The following C1R variants were observed in gnomAD, a reference collection of about 807,000 sequenced individuals.
The protein encoded by C1R is complement C1r subcomponent.
A neutral mutation model predicts 27.6 loss-of-function variants in C1R; 15 were observed. That is an observed-to-expected ratio of 0.54 (90% CI 0.36 to 0.84). C1R has a LOEUF of 0.84. Among genes scored for constraint, C1R ranks in the 40% least tolerant of loss-of-function variants. The probability of loss-of-function intolerance (pLI) is 0.01; values close to 1 mark genes in which losing one functional copy is unlikely to be tolerated. For synonymous variants in C1R, 253 were observed against 228.8 expected, an observed-to-expected ratio of 1.11 and a Z score of -0.95; for missense variants, 544 against 577.9, an observed-to-expected ratio of 0.94 and a Z score of 0.60.
intron 9 of C1R, 78 bp from the exon 10 acceptor site, chr12:7,082,184 A>G: frequency 1.2e-6 from 1 of 806,060 alleles, no homozygotes; most frequent in Non-Finnish European, 2.1e-6. Flanking sequence ...GCAAGTACTG[A>G]GTGTGCTTGA....
Position 7,080,770 on chromosome 12 carries a change from T to C in C1R, c.1880A>G (p.Lys627Arg), listed in dbSNP as rs1938042467. ...PQACENWLRG[K>R]NRMDVFSQNM... ...TTGAGAGAACACATCCATCCTATTC[T>C]TTCCCCGGAGCCAGTTCTCACAGGC... The change falls in exon 11 of 11, where the codon AAG (lysine) becomes AGG (arginine). Residue 627 changes from lysine to arginine, a missense_variant. Lys to Arg is a conservative substitution (Grantham distance 26). Transcript: ENST00000647956. This position sits in a 1 kb window ranked among gnomAD's most constrained non-coding sequence, Gnocchi z 4.9. 1.9e-6 allele frequency: 3 copies of C among 1,614,036 alleles called. No individual in the cohort carries two copies. Among genetic ancestry groups the C allele is most frequent in the Non-Finnish European group, 1.7e-6 (2 of 1,179,900 alleles).
chr12:7,082,825 T>G (rs1938088305), intron 9 of C1R, among the ~76,000 whole-genome samples: 1 of 152,320 alleles, frequency 6.6e-6, no homozygotes, highest in East Asian at 1.9e-4. Context: ...CTGCACGATC[T>G]CATTTAAACA....
In C1R at chr12:7,081,064, A is replaced by G. The variant is rs1201640926; in HGVS notation, c.1586T>C (p.Leu529Pro). 6.2e-7 allele frequency: 1 copy of G among 1,613,892 alleles called. No individual in the cohort carries two copies. Among genetic ancestry groups the G allele is most frequent in the Non-Finnish European group, 8.5e-7 (1 of 1,179,860 alleles). Reference protein sequence around the residue: ...VFLGHTNVEELMKLGNHPIRR... With the variant: ...VFLGHTNVEEPMKLGNHPIRR... ...GATGGGGTGATTTCCTAGCTTCATG[A>G]GCTCTTCCACATTTGTGTGGCCCAG... Residue 529 changes from leucine to proline, a missense_variant, in exon 11 of 11, where the codon CTC becomes CCC. Physicochemically the swap from Leu to Pro is moderately conservative, Grantham distance 98 (BLOSUM62 -3). Coordinates refer to ENST00000647956, the MANE Select transcript of C1R (RefSeq NM_001733.7).
At chr12:7,092,299 G>A in intron 1 of C1R, 88 bp downstream of exon 1, 2 of 777,460 alleles carry the variant, frequency 2.6e-6, no homozygotes, top group Admixed American at 3.4e-5. Context: ...AGAGAGAAGG[G>A]TGTTCCTGTC....
In C1R at chr12:7,091,647, G is replaced by C. The variant is rs776062471; in HGVS notation, c.36C>G (p.Phe12Leu). 1.7e-5 allele frequency: 13 copies of C among 751,916 alleles called. No individual in the cohort carries two copies. In the East Asian group the frequency reaches 3.3e-4, roughly 19 times the overall value. The allele number at this position is 751,916 out of a possible 1,614,324, so 46.6% of individuals were successfully genotyped here. A position where few individuals can be genotyped will look rare whatever the true frequency, so the allele number is the denominator to read the frequency against. Reference sequence around the variant, plus strand: ...TGGGAATGGAGCCTCCTGCCCTGCAGAACAGGGCCGGCACCAGGAGGTACA... The same window carrying C: ...TGGGAATGGAGCCTCCTGCCCTGCACAACAGGGCCGGCACCAGGAGGTACA... ...WLLYLLVPAL[F>L]CRAGGSIPIP... is the part of the protein sequence containing the mutation. Residue 12 changes from phenylalanine (F) to leucine (L), a missense_variant, in exon 2 of 11, where the codon TTC (phenylalanine) becomes TTG (leucine). Around this residue, in one of 2 missense-constraint regions of C1R, gnomAD observed 291 missense variants for 209.0 expected, o/e 1.39. Coordinates refer to ENST00000647956, the MANE Select transcript of C1R (RefSeq NM_001733.7). The surrounding 1 kb of genome is among the most constrained non-coding windows in gnomAD (Gnocchi z 5.1).
chr12:7,089,549 C>T (rs769139608), intron 4 of C1R, 38 bp downstream of exon 4: 1 of 780,670 alleles, frequency 1.3e-6, no homozygotes, highest in South Asian at 1.3e-5. Context: ...CAAGCCCTGG[C>T]TCAACCCCTT....
Position 7,091,121 on chromosome 12 carries a change from C to A in C1R, c.231+331G>T, listed in dbSNP as rs1938265067. ...TGTTGAAGCAGGCAGCCATGTCAATCATTTCCTTGGAGACAGGGAAGCTGA... is the reference window on the plus strand; with the variant it reads ...TGTTGAAGCAGGCAGCCATGTCAATAATTTCCTTGGAGACAGGGAAGCTGA... On this transcript the variant is annotated intron_variant, in intron 2 of 10. Coordinates refer to ENST00000647956, the MANE Select transcript of C1R (RefSeq NM_001733.7). This position sits in a 1 kb window ranked among gnomAD's most constrained non-coding sequence, Gnocchi z 5.1. 3.1e-6 allele frequency: 1 copy of A among 322,112 alleles called. No homozygotes were observed. The highest frequency in any genetic ancestry group is 5.8e-6 in the Non-Finnish European group (1 of 173,474). 20.0% of individuals were successfully genotyped at this position (322,112 alleles called of 1,614,324 possible).
chr12:7,081,170 C>T lies in C1R; in HGVS notation c.1480G>A (p.Asp494Asn), dbSNP rs748961265. The T allele has an allele frequency of 5.4e-5, 87 of 1,613,892 alleles. No individual in the cohort carries two copies. The South Asian group carries it at 7.8e-4, about 14-fold the overall frequency. Residue 494 changes from aspartate (D) to asparagine (N), a missense_variant, in exon 11 of 11, where the codon GAC (aspartate) becomes AAC (asparagine). Transcript: ENST00000647956. The stretch of plus-strand genomic sequence containing the variant: ...TGGGCAGCTGTGAGGATCCAGCGGT[C>T]GCCCAGCAGGGCCCCGCCCCCGCGC... ...HGRGGGALLG[D>N]RWILTAAHTL...
intron 7 of C1R, chr12:7,087,585 A>G (rs143045406): frequency 1.5e-4 from 23 of 154,510 alleles, no homozygotes; most frequent in African/African-American, 5.0e-4. Flanking sequence ...GAGGGTTGTA[A>G]TAGGAGCAAA....
intron 9 of C1R, 134 bp downstream of exon 9, chr12:7,085,727 T>C: frequency 1.0e-5 from 4 of 396,790 alleles, no homozygotes; most frequent in Non-Finnish European, 4.4e-6. Flanking sequence ...GTTAGCACTA[T>C]AATTTAGGCC....
chr12:7,082,470 T>C (rs1938082036), intron 9 of C1R, among the ~76,000 whole-genome samples: 1 of 152,102 alleles, frequency 6.6e-6, no homozygotes, highest in Non-Finnish European at 1.5e-5. Flanking sequence ...TAGCTGGGAC[T>C]ACAGGTGCCC....
At chr12:7,089,130 C>A (rs1938207536) in intron 5 of C1R, 144 bp from the exon 6 acceptor site, 2 of 630,556 alleles carry the variant, frequency 3.2e-6, no homozygotes, top group South Asian at 1.9e-5. Flanking sequence ...AAAAGGGATC[C>A]CCATGACCCA....
chr12:7,087,277 A>G (rs1227617746), intron 7 of C1R: 1 of 152,500 alleles, frequency 6.6e-6, no homozygotes, highest in Non-Finnish European at 1.5e-5. Flanking sequence ...AGGCACTTGA[A>G]TAGCTTGAAT....
chr12:7,089,141 A>G, intron 5 of C1R, 152 bp downstream of exon 5: 1 of 635,344 alleles, frequency 1.6e-6, no homozygotes, highest in South Asian at 1.8e-5. Flanking sequence ...CCATGACCCA[A>G]TTCTAGTTGT....
intron 3 of C1R, 136 bp downstream of exon 3, chr12:7,089,920 G>A (rs761308082): frequency 8.5e-6 from 6 of 702,006 alleles, no homozygotes; most frequent in Admixed American, 2.0e-5. Context: ...GACAGGCCTC[G>A]TTAGGAAAAG....
At chr12:7,090,603 C>G (rs1347957382) in intron 2 of C1R, among the ~76,000 whole-genome samples, 1 of 152,208 alleles carries the variant, frequency 6.6e-6, no homozygotes, top group Non-Finnish European at 1.5e-5. Context: ...CCCCTCATTC[C>G]CAGAGCTCAG....
At chr12:7,086,064 G>T in intron 8 of C1R, 48 bp from the exon 9 acceptor site, 1 of 398,682 alleles carries the variant, frequency 2.5e-6, no homozygotes, top group South Asian at 1.3e-4. Context: ...GACTGTGCTG[G>T]AACTTCAGTG....
intron 8 of C1R, 23 bp downstream of exon 8, chr12:7,086,356 C>T (rs899437991): frequency 3.8e-5 from 15 of 398,414 alleles, no homozygotes; most frequent in Non-Finnish European, 6.6e-5. Context: ...TCCCCAGGGT[C>T]ATATCCCTGA....
At chr12:7,087,623 C>G (rs1938175229) in intron 7 of C1R, 1 of 154,322 alleles carries the variant, frequency 6.5e-6, no homozygotes, top group Non-Finnish European at 1.5e-5. Context: ...TTCTTCTGGA[C>G]CCAGGACACC....
Sources: gnomAD v4.1 joint callset for allele counts (sites outside exome capture counted in the v4.1 genomes callset) on GRCh38, gnomAD v4.1.1 for gene constraint, gnomAD v4.1.1 regional missense constraint, Gnocchi (gnomAD v3.1) non-coding constraint, MANE v1.5 for transcripts, NCBI Gene and HGNC (gene_info 2026-07-23, HGNC 2026-07-21) for gene names.